The following SLC43A2 variants were observed in gnomAD, a reference collection of about 807,000 sequenced individuals.
The protein encoded by SLC43A2 is solute carrier family 43 member 2.
In SLC43A2, 38 loss-of-function variants were observed where a neutral mutation model predicts 63.2. That is an observed-to-expected ratio of 0.60 (90% CI 0.46 to 0.79). The LOEUF (loss-of-function observed/expected upper bound fraction) is 0.79, where lower values mean the gene tolerates loss of function less well. Among genes scored for constraint, SLC43A2 ranks in the 30% least tolerant of loss-of-function variants. The pLI, the probability that SLC43A2 is intolerant of heterozygous loss-of-function variation, is 0.00. For missense variants in SLC43A2, 644 were observed against 756.2 expected (o/e 0.85, Z 1.74); for synonymous variants, 322 against 331.0 (o/e 0.97, Z 0.30).
At chr17:1,590,737 C>T (rs1904679214) in intron 9 of SLC43A2, 65 bp downstream of exon 9, 6 of 1,539,652 alleles carry the variant, frequency 3.9e-6, no homozygotes, top group Non-Finnish European at 1.8e-6. Context: ...ACATTCTGGC[C>T]GGTGGCCAGT....
At chr17:1,620,931 G>A (rs1451047889) in intron 2 of SLC43A2, among the ~76,000 whole-genome samples, 1 of 152,070 alleles carries the variant, frequency 6.6e-6, no homozygotes, top group Non-Finnish European at 1.5e-5. Context: ...AGCCTGCTCT[G>A]CTCACCCCCG....
Position 1,578,603 on chromosome 17 carries a change from C to T in SLC43A2, c.1351-280G>A, listed in dbSNP as rs73300848. ...AGTGCAGTGGCGTGATCTTGGCTCA[C>T]TGCAAGCTTCGCCTCCTGGATTCAA... is the stretch of plus-strand genomic sequence containing the variant. On this transcript the variant is annotated intron_variant, in intron 11 of 13. Transcript: ENST00000301335. The surrounding 1 kb of genome is among the most constrained non-coding windows in gnomAD (Gnocchi z 6.5). The T allele has an allele frequency of 0.11, 42,220 of 383,074 alleles. 2,611 individuals are homozygous for T. The highest frequency in any genetic ancestry group is 0.14 in the African/African-American group (6,670 of 48,960). 23.7% of individuals were successfully genotyped at this position (383,074 alleles called of 1,614,324 possible). A position where few individuals can be genotyped will look rare whatever the true frequency, so the allele number is the denominator to read the frequency against.
Position 1,576,869 on chromosome 17 carries a change from T to G in SLC43A2, c.1425-149A>C, listed in dbSNP as rs1294374310. On this transcript the variant is annotated intron_variant, in intron 12 of 13. Transcript: ENST00000301335. ...CTTCCTGCTGGGCAGTTCTGTTTTTTTTTTTTTTTTTTTAAGATGGAGTCT... is the reference window on the plus strand; with the variant it reads ...CTTCCTGCTGGGCAGTTCTGTTTTTGTTTTTTTTTTTTTAAGATGGAGTCT... The G allele has an allele frequency of 6.4e-5, 62 of 973,498 alleles. No individual in the cohort carries two copies. The East Asian group carries it at 1.5e-3, about 24-fold the overall frequency. 60.3% of individuals were successfully genotyped at this position (973,498 alleles called of 1,614,324 possible).
At position 1,617,545 on chromosome 17, in the gene SLC43A2, C is replaced by A. The variant is rs537688204; in HGVS notation, c.161-776G>T. Among the ~76,000 whole-genome samples the A allele has an allele frequency of 6.0e-3, 918 of 152,274 alleles. 8 individuals are homozygous for A. The highest frequency in any genetic ancestry group is 0.021 in the African/African-American group (872 of 41,546). On this transcript the variant is annotated intron_variant, in intron 2 of 13. Transcript: ENST00000301335. ...AGCTGGGATTACAGGCACCTGCCAC[C>A]GCGCCCGGCTAGTGTTTGTATTTTT... is the stretch of plus-strand genomic sequence containing the variant.
intron 2 of SLC43A2, among the ~76,000 whole-genome samples, chr17:1,620,314 G>A (rs994643488): frequency 2.6e-5 from 4 of 152,148 alleles, no homozygotes; most frequent in Admixed American, 6.5e-5. Flanking sequence ...GTTGCAGTGA[G>A]CCGAGATTGT....
intron 9 of SLC43A2, chr17:1,587,103 T>TGCGTTTCCC (rs2076115603): frequency 3.9e-5 from 26 of 673,702 alleles, no homozygotes; most frequent in Admixed American, 2.0e-4. Context: ...TTTCCCGCAC[T>TGCGTTTCCC]GCATTTCCCA....
At chr17:1,597,071 C>T (rs766762755) in intron 5 of SLC43A2, among the ~76,000 whole-genome samples, 14 of 151,784 alleles carry the variant, frequency 9.2e-5, no homozygotes, top group Admixed American at 3.9e-4. Context: ...AAAAACTTAG[C>T]GAGGTATGGT....
chr17:1,614,459 G>A (rs1489853980), intron 4 of SLC43A2, among the ~76,000 whole-genome samples: 4 of 151,782 alleles, frequency 2.6e-5, no homozygotes, highest in Admixed American at 1.3e-4. Context: ...AAACAGCAGC[G>A]AGCAGGAGGC....
At chr17:1,622,522 G>A (rs1396101231) in intron 2 of SLC43A2, among the ~76,000 whole-genome samples, 46 of 151,500 alleles carry the variant, frequency 3.0e-4, no homozygotes, top group African/African-American at 7.8e-4. Context: ...CCGAGATCGC[G>A]CCACTGCACT....
intron 1 of SLC43A2, chr17:1,628,267 C>T (rs1424551956): frequency 1.8e-5 from 3 of 166,660 alleles, no homozygotes; most frequent in African/African-American, 7.1e-5. Context: ...ACTGACATCG[C>T]CTGGGGCCAG....
At position 1,605,566 on chromosome 17, in the gene SLC43A2, G is replaced by A. The variant is rs1906528367; in HGVS notation, c.501+7629C>T. Among the ~76,000 whole-genome samples, 1 of 149,894 alleles carries A rather than the reference G, an allele frequency of 6.7e-6. No homozygotes were observed. Among genetic ancestry groups the A allele is most frequent in the Admixed American group, 6.7e-5 (1 of 15,032 alleles). On this transcript the variant is annotated intron_variant, in intron 5 of 13. Coordinates refer to ENST00000301335, the MANE Select transcript of SLC43A2 (RefSeq NM_152346.3). This position sits in a 1 kb window ranked among gnomAD's most constrained non-coding sequence, Gnocchi z 4.9. ...GGCCTGCAGGAGGCTGGGGAGCTGG[G>A]TGGTGGGTGGGGGCTGCGGAGCTGG... is the stretch of plus-strand genomic sequence containing the variant.
At chr17:1,600,833 C>T (rs1349461211) in intron 5 of SLC43A2, among the ~76,000 whole-genome samples, 2 of 151,258 alleles carry the variant, frequency 1.3e-5, no homozygotes, top group Non-Finnish European at 2.9e-5. Context: ...GTTGGGATGA[C>T]AGGCGTGAAC....
At chr17:1,619,366 C>A (rs1020530862) in intron 2 of SLC43A2, among the ~76,000 whole-genome samples, 3 of 152,132 alleles carry the variant, frequency 2.0e-5, no homozygotes, top group Non-Finnish European at 1.5e-5. Context: ...CCAAAAAGAT[C>A]GAGAGAGGAA....
chr17:1,570,922 C>T lies in SLC43A2; in HGVS notation c.*4682G>A, dbSNP rs996016614. ...AAAGTTCAAGACTCGCCCAGGGCCA[C>T]CAAGACAGTCCTCTAGACTTTGGTC... On this transcript the variant is annotated 3_prime_UTR_variant, in exon 14 of 14. Coordinates refer to ENST00000301335, the MANE Select transcript of SLC43A2 (RefSeq NM_152346.3). 1 of 152,302 alleles carries T rather than the reference C, an allele frequency of 6.6e-6. No individual in the cohort carries two copies. The highest frequency in any genetic ancestry group is 6.5e-5 in the Admixed American group (1 of 15,284). 9.4% of individuals were successfully genotyped at this position (152,302 alleles called of 1,614,324 possible).
intron 10 of SLC43A2, among the ~76,000 whole-genome samples, chr17:1,584,143 T>C (rs1394451987): frequency 6.6e-6 from 1 of 152,104 alleles, no homozygotes; most frequent in Non-Finnish European, 1.5e-5. Flanking sequence ...TCCACCCGCC[T>C]TGGCCTCCCA....
At chr17:1,580,231 C>T (rs1411102208) in intron 11 of SLC43A2, among the ~76,000 whole-genome samples, 1 of 152,186 alleles carries the variant, frequency 6.6e-6, no homozygotes, top group Non-Finnish European at 1.5e-5. Flanking sequence ...CTTTTCACAT[C>T]TACTGTAGAA....
chr17:1,586,928 T>TGGGGC, intron 9 of SLC43A2: 73 of 1,232,792 alleles, frequency 5.9e-5, no homozygotes, highest in Non-Finnish European at 7.8e-5. Context: ...TCCCTGACAA[T>TGGGGC]CCCCCCCACC....
chr17:1,598,399 T>C (rs1019829514), intron 5 of SLC43A2, among the ~76,000 whole-genome samples: 5 of 147,400 alleles, frequency 3.4e-5, no homozygotes, highest in African/African-American at 7.7e-5. Flanking sequence ...CCAGCCTGGG[T>C]GACAGAACGA....
In SLC43A2 at chr17:1,593,319, G is replaced by C; in HGVS notation, c.502-40C>G. The C allele has an allele frequency of 6.3e-7, 1 of 1,579,878 alleles. No individual in the cohort carries two copies. The highest frequency in any genetic ancestry group is 8.7e-7 in the Non-Finnish European group (1 of 1,152,762). The stretch of plus-strand genomic sequence containing the variant: ...GCAGAGAAACCTCAGTGGGGAGGAT[G>C]CACCAGGGAAGGGGAGGAGGAGGGG... On this transcript the variant is annotated intron_variant, in intron 5 of 13. Coordinates refer to ENST00000301335, the MANE Select transcript of SLC43A2 (RefSeq NM_152346.3). This position sits in a 1 kb window ranked among gnomAD's most constrained non-coding sequence, Gnocchi z 5.3.
Sources: allele counts gnomAD v4.1 joint callset (sites outside exome capture counted in the v4.1 genomes callset), GRCh38; gene constraint gnomAD v4.1.1; non-coding constraint Gnocchi (gnomAD v3.1); transcripts MANE v1.5; gene names NCBI Gene and HGNC (gene_info 2026-07-23, HGNC 2026-07-21).